Variants in CYFIP2 observed in about 807,000 individuals in gnomAD.
CYFIP2 encodes cytoplasmic FMR1 interacting protein 2, also known as cytoplasmic FMR1-interacting protein 2.
In CYFIP2, 29 loss-of-function variants were observed where a neutral mutation model predicts 158.7. That is an observed-to-expected ratio of 0.18 (90% CI 0.14 to 0.25). The LOEUF (loss-of-function observed/expected upper bound fraction) is 0.25, where lower values mean the gene tolerates loss of function less well. Among genes scored for constraint, CYFIP2 ranks in the 10% least tolerant of loss-of-function variants. CYFIP2 has a pLI of 1.00. For synonymous variants in CYFIP2, 585 were observed against 617.6 expected, an observed-to-expected ratio of 0.95 and a Z score of 0.78; for missense variants, 852 against 1,639.5, an observed-to-expected ratio of 0.52 and a Z score of 8.29.
intron 24 of CYFIP2, 38 bp from the exon 25 acceptor site, chr5:157,360,244 A>G: frequency 6.3e-7 from 1 of 1,575,212 alleles, no homozygotes; most frequent in South Asian, 1.1e-5. Flanking sequence ...CGCATAGCCC[A>G]GAATTCAGCC....
intron 9 of CYFIP2, among the ~76,000 whole-genome samples, chr5:157,308,579 G>C (rs1248976381): frequency 6.6e-6 from 1 of 152,182 alleles, no homozygotes; most frequent in Admixed American, 6.5e-5. Context: ...GGTCAGTCAT[G>C]GGAAAGCCCA....
At chr5:157,291,067 T>A (rs577427961) in intron 3 of CYFIP2, among the ~76,000 whole-genome samples, 2 of 152,154 alleles carry the variant, frequency 1.3e-5, no homozygotes, top group African/African-American at 2.4e-5. Flanking sequence ...ACCTTAGAGA[T>A]CCTTAGTCCT....
chr5:157,375,176 G>A (rs1421695880), intron 26 of CYFIP2, among the ~76,000 whole-genome samples: 3 of 152,334 alleles, frequency 2.0e-5, no homozygotes, highest in East Asian at 3.9e-4. Flanking sequence ...GAAGATGATT[G>A]CCTGGTAGGC....
intron 23 of CYFIP2, chr5:157,343,065 A>C (rs745818163): frequency 6.2e-7 from 1 of 1,613,974 alleles, no homozygotes; most frequent in South Asian, 1.1e-5. Flanking sequence ...CATCTCACCA[A>C]CCCATTGGCC....
In CYFIP2 at chr5:157,329,627, ATATAT is replaced by A. The variant is rs369908848; in HGVS notation, c.2157-1113_2157-1109del. ...GAAGCAGATGAAATTAATTTTAATA[ATATAT>A]TTTATTTAACCCCACATATCCAAAA... On this transcript the variant is annotated intron_variant, in intron 19 of 30. Transcript: ENST00000620254. Among the ~76,000 whole-genome samples the A allele has an allele frequency of 2.9e-3, 437 of 152,350 alleles. 4 individuals are homozygous for A. The highest frequency in any genetic ancestry group is 0.018 in the South Asian group (87 of 4,828).
At chr5:157,366,072 C>G (rs1764341263) in intron 26 of CYFIP2, among the ~76,000 whole-genome samples, 1 of 152,146 alleles carries the variant, frequency 6.6e-6, no homozygotes, top group Non-Finnish European at 1.5e-5. Flanking sequence ...AATTTATACT[C>G]CCATTCAGCA....
intron 21 of CYFIP2, among the ~76,000 whole-genome samples, chr5:157,336,950 T>C (rs1476875987): frequency 6.6e-6 from 1 of 152,260 alleles, no homozygotes; most frequent in African/African-American, 2.4e-5. Context: ...TGCAGCAGCC[T>C]CTGCCTCTCC....
chr5:157,313,125 C>T (rs145929891), intron 11 of CYFIP2, among the ~76,000 whole-genome samples: 328 of 152,340 alleles, frequency 2.2e-3, no homozygotes, highest in African/African-American at 7.6e-3. Flanking sequence ...CACAGTAGTT[C>T]TGTAAAGTGG....
chr5:157,270,462 C>A (rs931494951), intron 1 of CYFIP2, among the ~76,000 whole-genome samples: 10 of 152,196 alleles, frequency 6.6e-5, no homozygotes, highest in Non-Finnish European at 1.0e-4. Flanking sequence ...TGGCTGAGAT[C>A]AAAGAGAATT....
intron 21 of CYFIP2, among the ~76,000 whole-genome samples, chr5:157,336,244 A>G (rs544562989): frequency 2.6e-5 from 4 of 152,346 alleles, no homozygotes; most frequent in Non-Finnish European, 4.4e-5. Context: ...AGTCACCCTC[A>G]TTTTACACAG....
chr5:157,313,322 A>G (rs1759890789), intron 11 of CYFIP2, among the ~76,000 whole-genome samples: 1 of 152,232 alleles, frequency 6.6e-6, no homozygotes, highest in Admixed American at 6.5e-5. Context: ...TGACCAACAG[A>G]ACTATAACTC....
At chr5:157,284,808 T>C (rs576509172) in intron 1 of CYFIP2, among the ~76,000 whole-genome samples, 67 of 152,324 alleles carry the variant, frequency 4.4e-4, no homozygotes, top group African/African-American at 1.5e-3. Flanking sequence ...TTTGCAGGAA[T>C]TGAGTTATTT....
chr5:157,269,073 C>T (rs1302832865), intron 1 of CYFIP2, among the ~76,000 whole-genome samples: 6 of 152,082 alleles, frequency 3.9e-5, no homozygotes, highest in Non-Finnish European at 7.4e-5. Flanking sequence ...ATGTAATCAA[C>T]CCTTGGCTAT....
intron 3 of CYFIP2, among the ~76,000 whole-genome samples, chr5:157,292,710 C>G (rs531445451): frequency 6.7e-4 from 102 of 152,236 alleles, no homozygotes; most frequent in African/African-American, 2.4e-3. Flanking sequence ...AATCTTGAAT[C>G]TACACATTTT....
At chr5:157,362,273 G>A (rs942113945) in intron 26 of CYFIP2, among the ~76,000 whole-genome samples, 3 of 152,172 alleles carry the variant, frequency 2.0e-5, no homozygotes, top group Admixed American at 1.3e-4. Context: ...CTGGAACTGC[G>A]GTCAGAGTTC....
chr5:157,370,005 C>A (rs925398888), intron 26 of CYFIP2, among the ~76,000 whole-genome samples: 3 of 151,914 alleles, frequency 2.0e-5, no homozygotes, highest in Non-Finnish European at 4.4e-5. Flanking sequence ...CTCAGCCTCC[C>A]GAGTAGCTGG....
chr5:157,393,025 C>A lies in CYFIP2; in HGVS notation c.*25C>A. Reference sequence around the variant, plus strand: ...AGCAGAAGATCCTGCAGACCCTTATCTGGAGGAGGAAGAGAAGCAGGAGAG... The same window carrying A: ...AGCAGAAGATCCTGCAGACCCTTATATGGAGGAGGAAGAGAAGCAGGAGAG... On this transcript the variant is annotated 3_prime_UTR_variant, in exon 31 of 31. Coordinates refer to ENST00000620254, the MANE Select transcript of CYFIP2 (RefSeq NM_001037333.3). The A allele has an allele frequency of 1.2e-6, 2 of 1,610,276 alleles. No individual in the cohort carries two copies. The highest frequency in any genetic ancestry group is 1.7e-6 in the Non-Finnish European group (2 of 1,177,938).
At position 157,383,385 on chromosome 5, in the gene CYFIP2, C is replaced by T. The variant is rs540083178; in HGVS notation, c.3207+26C>T. ...GTACCAATCTTATATAATAAATGGG[C>T]TCTGATCACTGACAGGAACTTGAGA... On this transcript the variant is annotated intron_variant, in intron 28 of 30. Coordinates refer to ENST00000620254, the MANE Select transcript of CYFIP2 (RefSeq NM_001037333.3). The T allele has an allele frequency of 8.8e-5, 140 of 1,590,698 alleles. 1 individual carries two copies. In the South Asian group the frequency reaches 1.4e-3, roughly 16 times the overall value.
At chr5:157,331,789 GC>G (rs1178288752) in intron 20 of CYFIP2, among the ~76,000 whole-genome samples, 3 of 152,138 alleles carry the variant, frequency 2.0e-5, no homozygotes, top group Admixed American at 6.5e-5. Context: ...GCTATAAGGG[GC>G]CCTGGTCAGT....
Sources: allele counts gnomAD v4.1 joint callset (sites outside exome capture counted in the v4.1 genomes callset), GRCh38; gene constraint gnomAD v4.1.1; transcripts MANE v1.5; gene names NCBI Gene and HGNC (gene_info 2026-07-23, HGNC 2026-07-21).